Variants in DMD observed in about 807,000 individuals in gnomAD.
DMD encodes dystrophin.
DMD carries 63 observed loss-of-function variants against 330.1 expected under a neutral mutation model. The observed-to-expected ratio is 0.19, with a 90% CI of 0.16 to 0.24. The LOEUF (loss-of-function observed/expected upper bound fraction) is 0.24. DMD is among the 10% of genes least tolerant of loss of function. DMD has a pLI of 1.00. For missense variants in DMD, 3,344 were observed against 2,684.1 expected (o/e 1.25, Z -5.43); for synonymous variants, 1,223 against 959.8 (o/e 1.27, Z -5.07).
chrX:33,103,980 A>G (rs1358706229), intron 1 of DMD, among the ~76,000 whole-genome samples: 1 of 111,842 alleles, frequency 8.9e-6, no homozygotes, highest in Non-Finnish European at 1.9e-5. Context: ...AGTGTTCCAA[A>G]CTGATAAGTC....
intron 2 of DMD, among the ~76,000 whole-genome samples, chrX:32,936,803 T>A (rs1258465739): frequency 9.0e-6 from 1 of 111,729 alleles, no homozygotes; most frequent in Non-Finnish European, 1.9e-5. Context: ...CTAGTCCCAA[T>A]TTCTGGTGGG....
At chrX:31,880,181 G>T (rs1480347299) in intron 47 of DMD, among the ~76,000 whole-genome samples, 1 of 111,843 alleles carries the variant, frequency 8.9e-6, no homozygotes, top group East Asian at 2.8e-4. Flanking sequence ...AAACATTTTA[G>T]AAAAATTAAA....
At position 31,121,234 on chromosome X, in the gene DMD, C is replaced by A. The variant is rs773907861; in HGVS notation, c.*685G>T. 2.7e-5 allele frequency: 3 copies of A among 112,397 alleles called. No individual in the cohort carries two copies. The highest frequency in any genetic ancestry group is 9.8e-5 in the African/African-American group (3 of 30,664). 9.3% of individuals were successfully genotyped at this position (112,397 alleles called of 1,213,427 possible). On this transcript the variant is annotated 3_prime_UTR_variant, in exon 79 of 79. Transcript: ENST00000357033. Reference sequence around the variant, plus strand: ...ACTATAGTATTTATATACTTATAGACATATAGATATATGAAATGAAAACTC... The same window carrying A: ...ACTATAGTATTTATATACTTATAGAAATATAGATATATGAAATGAAAACTC...
At chrX:32,860,106 G>A (rs1294575318) in intron 2 of DMD, among the ~76,000 whole-genome samples, 5 of 111,860 alleles carry the variant, frequency 4.5e-5, no homozygotes, top group Non-Finnish European at 7.5e-5. Flanking sequence ...ATGAAATAAA[G>A]AAATACGGAA....
At position 31,956,998 on chromosome X, in the gene DMD, T is replaced by C. The variant is rs191079723; in HGVS notation, c.6614+11341A>G. ...AGTAGCAATGACATTCTTCACCCAGTGTCTGCAGTGGTAGAGTGGTGCATG... is the reference window on the plus strand; with the variant it reads ...AGTAGCAATGACATTCTTCACCCAGCGTCTGCAGTGGTAGAGTGGTGCATG... On this transcript the variant is annotated intron_variant, in intron 45 of 78. Coordinates refer to ENST00000357033, the MANE Select transcript of DMD (RefSeq NM_004006.3). Among the ~76,000 whole-genome samples the C allele has an allele frequency of 6.4e-3, 721 of 112,055 alleles. 4 individuals carry two copies. Among genetic ancestry groups the C allele is most frequent in the Middle Eastern group, 0.014 (3 of 218 alleles).
At chrX:32,065,621 T>C (rs1295971716) in intron 44 of DMD, among the ~76,000 whole-genome samples, 1 of 111,924 alleles carries the variant, frequency 8.9e-6, no homozygotes, top group Non-Finnish European at 1.9e-5. Flanking sequence ...ATACATTGGA[T>C]GTTTGTGTAT....
chrX:31,470,669 C>T (rs911600240), intron 59 of DMD, among the ~76,000 whole-genome samples: 4 of 112,128 alleles, frequency 3.6e-5, no homozygotes, highest in Admixed American at 2.8e-4. Context: ...TAGCAGAGCT[C>T]GAGTGCTGTG....
chrX:31,395,583 G>A (rs2060886790), intron 60 of DMD, among the ~76,000 whole-genome samples: 2 of 112,035 alleles, frequency 1.8e-5, no homozygotes, highest in South Asian at 7.5e-4. Flanking sequence ...TTTCAAAAAA[G>A]GTTTCTGGGA....
At chrX:31,800,908 G>A (rs1258595333) in intron 50 of DMD, among the ~76,000 whole-genome samples, 2 of 111,181 alleles carry the variant, frequency 1.8e-5, no homozygotes, top group East Asian at 5.7e-4. Context: ...CATCACCATC[G>A]GCATTTTGGT....
chrX:32,773,790 T>C, intron 7 of DMD, among the ~76,000 whole-genome samples: 2 of 111,585 alleles, frequency 1.8e-5, no homozygotes, highest in Middle Eastern at 9.3e-3. Flanking sequence ...TAGTTTTCAA[T>C]ACTATATTTT....
intron 55 of DMD, among the ~76,000 whole-genome samples, chrX:31,554,916 AATCT>A (rs2074713802): frequency 8.9e-6 from 1 of 112,069 alleles, no homozygotes; most frequent in Non-Finnish European, 1.9e-5. Flanking sequence ...GATGTTCAGG[AATCT>A]ATTTATGAGG....
intron 39 of DMD, among the ~76,000 whole-genome samples, chrX:32,343,532 G>C (rs1306617004): frequency 9.0e-6 from 1 of 111,697 alleles, no homozygotes; most frequent in African/African-American, 3.3e-5. Flanking sequence ...GTTCAAACTT[G>C]CTTAAAAATT....
chrX:31,172,060 C>T (rs2040054735), intron 73 of DMD, among the ~76,000 whole-genome samples: 1 of 111,567 alleles, frequency 9.0e-6, no homozygotes, highest in African/African-American at 3.3e-5. Context: ...TTAAGCATTA[C>T]TATAAATACT....
At chrX:32,957,001 G>A (rs1398793864) in intron 2 of DMD, among the ~76,000 whole-genome samples, 1 of 111,593 alleles carries the variant, frequency 9.0e-6, no homozygotes, top group Non-Finnish European at 1.9e-5. Flanking sequence ...CTGATTAGCT[G>A]AATATTTGAA....
chrX:33,253,804 T>G (rs1179699863), intron 1 of DMD, among the ~76,000 whole-genome samples: 2 of 111,381 alleles, frequency 1.8e-5, no homozygotes, highest in African/African-American at 6.5e-5. Flanking sequence ...TAAATACTAA[T>G]GAAATTTTTC....
chrX:31,585,323 CAA>C (rs1213158531), intron 55 of DMD, among the ~76,000 whole-genome samples: 99 of 36,086 alleles, frequency 2.7e-3, no homozygotes, highest in African/African-American at 8.8e-3. Context: ...GACCCTGTCT[CAA>C]AAAAAAAAAA....
At chrX:32,009,039 G>A (rs1318727588) in intron 44 of DMD, among the ~76,000 whole-genome samples, 1 of 111,135 alleles carries the variant, frequency 9.0e-6, no homozygotes, top group Non-Finnish European at 1.9e-5. Context: ...ATAACATAGC[G>A]GTATAGTGAG....
At chrX:33,008,827 C>CACATAT (rs1569548691) in intron 2 of DMD, among the ~76,000 whole-genome samples, 2 of 41,070 alleles carry the variant, frequency 4.9e-5, no homozygotes, top group East Asian at 1.6e-3. Flanking sequence ...TAAATGTATA[C>CACATAT]GTATATATAT....
chrX:32,264,466 C>G (rs1236469946), intron 43 of DMD, among the ~76,000 whole-genome samples: 1 of 111,426 alleles, frequency 9.0e-6, no homozygotes, highest in Non-Finnish European at 1.9e-5. Context: ...AACTTTGGAA[C>G]TGGGTAACAG....
Sources: gnomAD v4.1 joint callset for allele counts (sites outside exome capture counted in the v4.1 genomes callset) on GRCh38, gnomAD v4.1.1 for gene constraint, MANE v1.5 for transcripts, NCBI Gene and HGNC (gene_info 2026-07-23, HGNC 2026-07-21) for gene names.